SF3A2: variants seen among roughly 807,000 people sequenced by gnomAD.
The protein encoded by SF3A2 is SAP 62.
Under a neutral mutation model 31.1 loss-of-function variants are expected in SF3A2, and 5 were observed. The ratio of observed to expected loss-of-function variants is 0.16; its 90% CI spans 0.08 to 0.34. The LOEUF (loss-of-function observed/expected upper bound fraction) is 0.34, where lower values mean the gene tolerates loss of function less well. Among genes scored for constraint, SF3A2 ranks in the 10% least tolerant of loss-of-function variants. The pLI, the probability that SF3A2 is intolerant of heterozygous loss-of-function variation, is 1.00. For synonymous variants in SF3A2, 365 were observed against 263.7 expected (o/e 1.38, Z -3.72); for missense variants, 577 against 643.9 (o/e 0.90, Z 1.13).
chr19:2,245,635 C>T lies in SF3A2; in HGVS notation c.355+80C>T. The T allele has an allele frequency of 1.9e-6, 2 of 1,035,142 alleles. No homozygotes were observed. The highest frequency in any genetic ancestry group is 2.0e-5 in the Admixed American group (1 of 49,988). 64.1% of individuals were successfully genotyped at this position (1,035,142 alleles called of 1,614,324 possible). A position where few individuals can be genotyped will look rare whatever the true frequency, so the allele number is the denominator to read the frequency against. On this transcript the variant is annotated intron_variant, in intron 5 of 8. Transcript: ENST00000221494. This position sits in a 1 kb window ranked among gnomAD's most constrained non-coding sequence, Gnocchi z 4.2. The stretch of plus-strand genomic sequence containing the variant: ...TCTTTAGTCTCCAGTGCGGGAGGTG[C>T]AGCCCTGATAGCCTCCTCCCTGAGC...
intron 1 of SF3A2, among the ~76,000 whole-genome samples, chr19:2,241,144 A>G (rs61297982): frequency 0.059 from 8,912 of 152,146 alleles, 529 homozygotes; most frequent in African/African-American, 0.15. Context: ...ATGCTGTTGA[A>G]TTCCTTCATG....
In SF3A2 at chr19:2,245,703, G is replaced by C. The variant is rs1014795957; in HGVS notation, c.355+148G>C. 1.5e-6 allele frequency: 1 copy of C among 655,156 alleles called. No homozygotes were observed. The allele number at this position is 655,156 out of a possible 1,614,324, so 40.6% of individuals were successfully genotyped here. On this transcript the variant is annotated intron_variant, in intron 5 of 8. Coordinates refer to ENST00000221494, the MANE Select transcript of SF3A2 (RefSeq NM_007165.5). This position sits in a 1 kb window ranked among gnomAD's most constrained non-coding sequence, Gnocchi z 4.2. Reference sequence around the variant, plus strand: ...GGTGGCCGTCCCTCACCCACCTGCAGCCTCTGGCGTTGTGTCTGGGAGCTG... The same window carrying C: ...GGTGGCCGTCCCTCACCCACCTGCACCCTCTGGCGTTGTGTCTGGGAGCTG...
intron 1 of SF3A2, among the ~76,000 whole-genome samples, chr19:2,240,968 A>C (rs1156492589): frequency 6.6e-6 from 1 of 152,110 alleles, no homozygotes; most frequent in Non-Finnish European, 1.5e-5. Flanking sequence ...CGTCCCACCC[A>C]CTGCTCTTCT....
In SF3A2 at chr19:2,245,524, G is replaced by A; in HGVS notation, c.324G>A (p.Lys108=). The A allele has an allele frequency of 6.4e-7, 1 of 1,551,204 alleles. No individual in the cohort carries two copies. Among genetic ancestry groups the A allele is most frequent in the Non-Finnish European group, 8.7e-7 (1 of 1,146,930 alleles). The change falls in exon 5 of 9, where the codon AAG becomes AAA. Residue 108 remains lysine (K), a synonymous_variant. Coordinates refer to ENST00000221494, the MANE Select transcript of SF3A2 (RefSeq NM_007165.5). This position sits in a 1 kb window ranked among gnomAD's most constrained non-coding sequence, Gnocchi z 4.2. The stretch of plus-strand genomic sequence containing the variant: ...AGAAGGTCAAGGTGGAGGTGAAGAA[G>A]TTTGTGAAGATCGGCCGCCCGGGCT... ...APEKVKVEVK[K]FVKIGRPGYK...
At chr19:2,247,047 G>C in intron 7 of SF3A2, 25 bp downstream of exon 7, 1 of 1,215,602 alleles carries the variant, frequency 8.2e-7, no homozygotes, top group African/African-American at 2.8e-5. Flanking sequence ...GGGTTCCCTG[G>C]GCCCCCTTGA....
chr19:2,239,373 AAAGAG>A lies in SF3A2; in HGVS notation c.-38+2474_-38+2478del, dbSNP rs1201470560. Among the ~76,000 whole-genome samples the A allele has an allele frequency of 1.1e-3, 158 of 149,654 alleles. 2 individuals are homozygous for A. The South Asian group carries it at 0.016, about 15-fold the overall frequency. The stretch of plus-strand genomic sequence containing the variant: ...ATCCGTCTCAAAAAAAAAAAAAAAA[AAAGAG>A]AGAGAAAAAAATCTGTATTTGCTCA... On this transcript the variant is annotated intron_variant, in intron 1 of 8. Transcript: ENST00000221494.
intron 1 of SF3A2, among the ~76,000 whole-genome samples, chr19:2,241,807 G>A (rs751724241): frequency 4.6e-5 from 7 of 152,184 alleles, no homozygotes; most frequent in South Asian, 2.1e-4. Context: ...AAGGGATGGC[G>A]ATGGTCACAG....
In SF3A2 at chr19:2,248,157, G is replaced by A. The variant is rs1180792284; in HGVS notation, c.1006G>A (p.Val336Ile). 1 of 1,477,586 alleles carries A rather than the reference G, an allele frequency of 6.8e-7. No individual in the cohort carries two copies. The highest frequency in any genetic ancestry group is 1.9e-5 in the Admixed American group (1 of 51,454). 91.5% of individuals were successfully genotyped at this position (1,477,586 alleles called of 1,614,324 possible). The change falls in exon 9 of 9, where the codon GTC becomes ATC. Residue 336 changes from valine to isoleucine, a missense_variant. By Grantham distance (29) the Val-to-Ile change is conservative (BLOSUM62 3). This residue lies in a region of SF3A2 where 462 missense variants were observed against 339.1 expected (regional missense o/e 1.36). Transcript: ENST00000221494. ...TSGVHPPAPG[V>I]HPPAPGVHPP... ...TGGGGTCCACCCCCCAGCTCCTGGA[G>A]TCCACCCTCCAGCCCCCGGGGTTCA...
Position 2,239,149 on chromosome 19 carries a change from G to C in SF3A2, c.-38+2248G>C, listed in dbSNP as rs2024866715. 2.0e-5 allele frequency among the ~76,000 whole-genome samples: 3 copies of C among 152,212 alleles called. No individual in the cohort carries two copies. The South Asian group carries it at 6.2e-4, about 31-fold the overall frequency. ...GGAGGCTGAGGCGGGCGGATGACCT[G>C]AGTTTGGGAGTTTGAGACCAGCCTC... On this transcript the variant is annotated intron_variant, in intron 1 of 8. Transcript: ENST00000221494.
rs915609331 is a variant in SF3A2 at position 2,246,588 on chromosome 19, A to G, written c.356-165A>G. ...CTCTGGCGCACCTGTGCCTTCACCT[A>G]TACCAGAATCCCAGAGCCTGGGCGG... On this transcript the variant is annotated intron_variant, in intron 5 of 8. Transcript: ENST00000221494. The surrounding 1 kb of genome is among the most constrained non-coding windows in gnomAD (Gnocchi z 5.5). Among the ~76,000 whole-genome samples the G allele has an allele frequency of 1.3e-5, 2 of 152,086 alleles. No homozygotes were observed. The highest frequency in any genetic ancestry group is 6.5e-5 in the Admixed American group (1 of 15,272).
At chr19:2,242,876 C>T (rs2145010593) in intron 1 of SF3A2, among the ~76,000 whole-genome samples, 1 of 152,278 alleles carries the variant, frequency 6.6e-6, no homozygotes, top group East Asian at 1.9e-4. Flanking sequence ...TCAGTGTCCT[C>T]ACTGATCTCC....
chr19:2,248,178 G>T lies in SF3A2; in HGVS notation c.1027G>T (p.Val343Phe). ...APGVHPPAPGVHPPAPGVHPP... is the reference protein window; with the variant it reads ...APGVHPPAPGFHPPAPGVHPP... The stretch of plus-strand genomic sequence containing the variant: ...TGGAGTCCACCCTCCAGCCCCCGGG[G>T]TTCACCCACCAGCCCCCGGAGTCCA... The change falls in exon 9 of 9, where the codon GTT (valine) becomes TTT (phenylalanine). Residue 343 changes from valine (V) to phenylalanine (F), a missense_variant. Around this residue, in one of 6 missense-constraint regions of SF3A2, gnomAD observed 462 missense variants for 339.1 expected, o/e 1.36. Transcript: ENST00000221494. 4.8e-6 allele frequency: 7 copies of T among 1,466,646 alleles called. No homozygotes were observed. Among genetic ancestry groups the T allele is most frequent in the African/African-American group, 1.4e-5 (1 of 70,030 alleles). 90.9% of individuals were successfully genotyped at this position (1,466,646 alleles called of 1,614,324 possible).
chr19:2,245,626 C>G lies in SF3A2; in HGVS notation c.355+71C>G, dbSNP rs995812281. On this transcript the variant is annotated intron_variant, in intron 5 of 8. Coordinates refer to ENST00000221494, the MANE Select transcript of SF3A2 (RefSeq NM_007165.5). This position sits in a 1 kb window ranked among gnomAD's most constrained non-coding sequence, Gnocchi z 4.2. ...TAAGTGTGTTCTTTAGTCTCCAGTG[C>G]GGGAGGTGCAGCCCTGATAGCCTCC... The G allele has an allele frequency of 3.5e-6, 4 of 1,157,388 alleles. No individual in the cohort carries two copies. Among genetic ancestry groups the G allele is most frequent in the East Asian group, 2.6e-5 (1 of 39,194 alleles). The allele number at this position is 1,157,388 out of a possible 1,614,324, so 71.7% of individuals were successfully genotyped here. A position where few individuals can be genotyped will look rare whatever the true frequency, so the allele number is the denominator to read the frequency against.
Position 2,243,372 on chromosome 19 carries a change from G to T in SF3A2, c.-37-10G>T, listed in dbSNP as rs1399520508. 1 of 1,479,346 alleles carries T rather than the reference G, an allele frequency of 6.8e-7. No individual in the cohort carries two copies. The highest frequency in any genetic ancestry group is 8.9e-7 in the Non-Finnish European group (1 of 1,118,298). 91.6% of individuals were successfully genotyped at this position (1,479,346 alleles called of 1,614,324 possible). A position where few individuals can be genotyped will look rare whatever the true frequency, so the allele number is the denominator to read the frequency against. On this transcript the variant is annotated splice_polypyrimidine_tract_variant and intron_variant, in intron 1 of 8. Transcript: ENST00000221494. ...AGCCATCTTCCTCACTCTCCTCTTG[G>T]CCTCCACAGGTGTCTCCCAGTCTGC...
chr19:2,244,712 C>G (rs1334682979), intron 3 of SF3A2, 21 bp from the exon 4 acceptor site: 1 of 1,613,880 alleles, frequency 6.2e-7, no homozygotes, highest in Non-Finnish European at 8.5e-7. Flanking sequence ...TCGAGTCATG[C>G]GTGTTTCCTT....
At chr19:2,239,879 G>C (rs1430313914) in intron 1 of SF3A2, among the ~76,000 whole-genome samples, 1 of 152,106 alleles carries the variant, frequency 6.6e-6, no homozygotes, top group Non-Finnish European at 1.5e-5. Context: ...TTTTAATTCA[G>C]CTTGTCATTC....
At position 2,243,366 on chromosome 19, in the gene SF3A2, C is replaced by T. The variant is rs1313136524; in HGVS notation, c.-37-16C>T. The T allele has an allele frequency of 1.4e-6, 2 of 1,477,132 alleles. No individual in the cohort carries two copies. The highest frequency in any genetic ancestry group is 1.8e-6 in the Non-Finnish European group (2 of 1,116,952). 91.5% of individuals were successfully genotyped at this position (1,477,132 alleles called of 1,614,324 possible). ...GTTCTGAGCCATCTTCCTCACTCTC[C>T]TCTTGGCCTCCACAGGTGTCTCCCA... is the stretch of plus-strand genomic sequence containing the variant. On this transcript the variant is annotated splice_polypyrimidine_tract_variant and intron_variant, in intron 1 of 8. Transcript: ENST00000221494.
Position 2,246,322 on chromosome 19 carries a change from G to A in SF3A2, c.356-431G>A, listed in dbSNP as rs987395636. 1.3e-5 allele frequency among the ~76,000 whole-genome samples: 2 copies of A among 152,146 alleles called. No individual in the cohort carries two copies. The highest frequency in any genetic ancestry group is 4.8e-5 in the African/African-American group (2 of 41,438). Reference sequence around the variant, plus strand: ...AGGCAGCCCAGCAGCCATTCTCGGGGTCCAGGCTGCTGAGCTCTGGCGGGA... The same window carrying A: ...AGGCAGCCCAGCAGCCATTCTCGGGATCCAGGCTGCTGAGCTCTGGCGGGA... On this transcript the variant is annotated intron_variant, in intron 5 of 8. Transcript: ENST00000221494. The surrounding 1 kb of genome is among the most constrained non-coding windows in gnomAD (Gnocchi z 5.5).
At chr19:2,241,254 T>G (rs1009763249) in intron 1 of SF3A2, among the ~76,000 whole-genome samples, 4 of 151,894 alleles carry the variant, frequency 2.6e-5, no homozygotes, top group Non-Finnish European at 5.9e-5. Context: ...CCTCCTGGGT[T>G]CTTGGAGTGC....
Sources: gnomAD v4.1 joint callset for allele counts (sites outside exome capture counted in the v4.1 genomes callset) on GRCh38, gnomAD v4.1.1 for gene constraint, gnomAD v4.1.1 regional missense constraint, Gnocchi (gnomAD v3.1) non-coding constraint, MANE v1.5 for transcripts, NCBI Gene and HGNC (gene_info 2026-07-23, HGNC 2026-07-21) for gene names.